The following ZBTB43 variants were observed in gnomAD, a reference collection of about 807,000 sequenced individuals.
ZBTB43 encodes zinc finger and BTB domain-containing protein 43.
ZBTB43 carries 6 observed loss-of-function variants against 31.1 expected under a neutral mutation model. That is an observed-to-expected ratio of 0.19 (90% confidence interval 0.11 to 0.38). The LOEUF (loss-of-function observed/expected upper bound fraction) is 0.38. ZBTB43 is among the 10% of genes least tolerant of loss of function. ZBTB43 has a pLI of 1.00. For missense variants in ZBTB43, 379 were observed against 602.1 expected, an observed-to-expected ratio of 0.63 and a Z score of 3.88; for synonymous variants, 212 against 221.7, an observed-to-expected ratio of 0.96 and a Z score of 0.39.
chr9:126,812,181 T>C (rs890322306), intron 2 of ZBTB43, among the ~76,000 whole-genome samples: 1 of 152,184 alleles, frequency 6.6e-6, no homozygotes, highest in Non-Finnish European at 1.5e-5. Context: ...CGGCCTTTTG[T>C]GTCCGACCTC....
intron 2 of ZBTB43, among the ~76,000 whole-genome samples, chr9:126,830,056 T>G (rs1363982267): frequency 6.6e-6 from 1 of 152,114 alleles, no homozygotes; most frequent in Admixed American, 6.6e-5. Context: ...GGAGGCAGAG[T>G]GATGTGATAA....
intron 2 of ZBTB43, among the ~76,000 whole-genome samples, chr9:126,827,185 G>A (rs114462814): frequency 7.2e-4 from 109 of 152,314 alleles, no homozygotes; most frequent in African/African-American, 2.5e-3. Context: ...AAACCAGCCT[G>A]TGACCAGGTA....
intron 2 of ZBTB43, among the ~76,000 whole-genome samples, chr9:126,818,451 C>T (rs1039669483): frequency 4.6e-5 from 7 of 151,954 alleles, no homozygotes; most frequent in Non-Finnish European, 1.0e-4. Context: ...TACCATACTG[C>T]CCAGACTGGT....
At chr9:126,810,497 T>A (rs1045700188) in intron 2 of ZBTB43, among the ~76,000 whole-genome samples, 2 of 128,252 alleles carry the variant, frequency 1.6e-5, no homozygotes, top group African/African-American at 6.0e-5. Context: ...CCAGCCGTCT[T>A]TTTTTTTTTT....
chr9:126,826,556 C>T (rs1278704098), intron 2 of ZBTB43, among the ~76,000 whole-genome samples: 5 of 149,196 alleles, frequency 3.4e-5, no homozygotes, highest in East Asian at 2.0e-4. Flanking sequence ...CTCCACCTCC[C>T]GGGTTCACGC....
chr9:126,811,190 C>T (rs1444681597), intron 2 of ZBTB43, among the ~76,000 whole-genome samples: 1 of 150,342 alleles, frequency 6.7e-6, no homozygotes, highest in African/African-American at 2.5e-5. Context: ...CCACTGCCCT[C>T]CAGCCTGGGC....
chr9:126,820,653 T>A (rs2032489301), intron 2 of ZBTB43, among the ~76,000 whole-genome samples: 1 of 152,088 alleles, frequency 6.6e-6, no homozygotes, highest in Admixed American at 6.6e-5. Flanking sequence ...TAATTTCAAT[T>A]TTCAAGTGTT....
At chr9:126,813,650 A>G (rs925987338) in intron 2 of ZBTB43, among the ~76,000 whole-genome samples, 2 of 152,216 alleles carry the variant, frequency 1.3e-5, no homozygotes, top group Admixed American at 6.5e-5. Flanking sequence ...TCTTCAACAT[A>G]TCATACTTAT....
chr9:126,807,091 A>G (rs867966184), intron 1 of ZBTB43, among the ~76,000 whole-genome samples: 5 of 152,046 alleles, frequency 3.3e-5, no homozygotes, highest in African/African-American at 9.7e-5. Context: ...TAAGCTGTCT[A>G]TTTGCCTTTA....
chr9:126,832,834 T>G lies in ZBTB43; in HGVS notation c.325T>G (p.Phe109Val). 6.2e-7 allele frequency: 1 copy of G among 1,614,148 alleles called. No individual in the cohort carries two copies. The highest frequency in any genetic ancestry group is 8.5e-7 in the Non-Finnish European group (1 of 1,180,036). Reference protein sequence around the residue: ...EIVSYLTAASFLQMWHVVDKC... With the variant: ...EIVSYLTAASVLQMWHVVDKC... Reference sequence around the variant, plus strand: ...TGTTAGTTACTTGACAGCGGCAAGCTTCCTCCAGATGTGGCATGTGGTAGA... The same window carrying G: ...TGTTAGTTACTTGACAGCGGCAAGCGTCCTCCAGATGTGGCATGTGGTAGA... The change falls in exon 3 of 3, where the codon TTC becomes GTC. Residue 109 changes from phenylalanine to valine, a missense_variant. Phe to Val is a conservative substitution (Grantham distance 50). Coordinates refer to ENST00000373464, the MANE Select transcript of ZBTB43 (RefSeq NM_014007.4).
intron 2 of ZBTB43, among the ~76,000 whole-genome samples, chr9:126,831,181 C>A (rs1488719164): frequency 6.6e-6 from 1 of 152,168 alleles, no homozygotes; most frequent in African/African-American, 2.4e-5. Flanking sequence ...GCCCCTCACT[C>A]CCTGACTGTA....
Position 126,828,436 on chromosome 9 carries a change from G to A in ZBTB43, c.-23-4051G>A, listed in dbSNP as rs1483954101. Among the ~76,000 whole-genome samples the A allele has an allele frequency of 5.3e-5, 8 of 151,512 alleles. No homozygotes were observed. In the East Asian group the frequency reaches 1.6e-3, roughly 30 times the overall value. Reference sequence around the variant, plus strand: ...CTGACCTCGCAATCCACCCGCCTCGGCCTCCCAAAGTGCTGTGACTACAGG... The same window carrying A: ...CTGACCTCGCAATCCACCCGCCTCGACCTCCCAAAGTGCTGTGACTACAGG... On this transcript the variant is annotated intron_variant, in intron 2 of 2. Coordinates refer to ENST00000373464, the MANE Select transcript of ZBTB43 (RefSeq NM_014007.4).
Position 126,820,201 on chromosome 9 carries a change from T to C in ZBTB43, c.-24+11286T>C, listed in dbSNP as rs376652872. 6.6e-4 allele frequency among the ~76,000 whole-genome samples: 101 copies of C among 152,298 alleles called. 1 individual carries two copies. Among genetic ancestry groups the C allele is most frequent in the Middle Eastern group, 6.8e-3 (2 of 294 alleles). On this transcript the variant is annotated intron_variant, in intron 2 of 2. Transcript: ENST00000373464. ...TGCACTAAACCACAGATTTTCAATATAGATGAAAAAGCCTTCTATTGGAAG... is the reference window on the plus strand; with the variant it reads ...TGCACTAAACCACAGATTTTCAATACAGATGAAAAAGCCTTCTATTGGAAG...
upstream of ZBTB43, among the ~76,000 whole-genome samples, chr9:126,804,839 C>G (rs1010881303): frequency 6.6e-6 from 1 of 152,238 alleles, no homozygotes; most frequent in Non-Finnish European, 1.5e-5. Context: ...CTATTTTCAA[C>G]AGCGTAGTCA....
intron 2 of ZBTB43, among the ~76,000 whole-genome samples, chr9:126,814,516 G>A (rs937633292): frequency 3.0e-4 from 46 of 151,650 alleles, no homozygotes; most frequent in African/African-American, 9.4e-4. Context: ...ATTTTGGGCC[G>A]GGCGCGGTGG....
chr9:126,828,645 A>ATTATT lies in ZBTB43; in HGVS notation c.-23-3842_-23-3841insTTATT, dbSNP rs1564206207. On this transcript the variant is annotated intron_variant, in intron 2 of 2. Coordinates refer to ENST00000373464, the MANE Select transcript of ZBTB43 (RefSeq NM_014007.4). ...CCCATCTCTAAATAATAATAATAAT[A>ATTATT]ATAATAATAATTATTATTATTATTA... Among the ~76,000 whole-genome samples the ATTATT allele has an allele frequency of 1.1e-3, 143 of 131,502 alleles. 1 individual carries two copies. The highest frequency in any genetic ancestry group is 4.8e-3 in the African/African-American group (140 of 29,154). 86.3% of individuals were successfully genotyped at this position (131,502 alleles called of 152,430 possible).
At chr9:126,814,318 T>A (rs1588354302) in intron 2 of ZBTB43, among the ~76,000 whole-genome samples, 5 of 151,590 alleles carry the variant, frequency 3.3e-5, no homozygotes, top group Non-Finnish European at 4.4e-5. Flanking sequence ...GAAATTTACA[T>A]CTGTAAAATG....
At chr9:126,813,775 G>A (rs1309087025) in intron 2 of ZBTB43, among the ~76,000 whole-genome samples, 2 of 151,970 alleles carry the variant, frequency 1.3e-5, no homozygotes, top group African/African-American at 4.8e-5. Flanking sequence ...TTTGTTGTTG[G>A]CCAATTTTGA....
intron 2 of ZBTB43, among the ~76,000 whole-genome samples, chr9:126,825,842 ATTTTTTTT>A (rs72512629): frequency 2.2e-5 from 2 of 91,202 alleles, no homozygotes; most frequent in Non-Finnish European, 4.6e-5. Context: ...TCCTTTTTAT[ATTTTTTTT>A]TTTTTTTTTT....
Sources: allele counts gnomAD v4.1 joint callset (sites outside exome capture counted in the v4.1 genomes callset), GRCh38; gene constraint gnomAD v4.1.1; transcripts MANE v1.5; gene names NCBI Gene and HGNC (gene_info 2026-07-23, HGNC 2026-07-21).